Variants in NOXRED1 observed in about 807,000 individuals in gnomAD.
The protein encoded by NOXRED1 is NADP-dependent oxidoreductase domain-containing protein 1.
In NOXRED1, 20 loss-of-function variants were observed where a neutral mutation model predicts 30.4. That is an observed-to-expected ratio of 0.66 (90% CI 0.46 to 0.96). The LOEUF is 0.96. Ranked by LOEUF, NOXRED1 falls within the 40% of genes least tolerant of loss-of-function variation. The probability of loss-of-function intolerance (pLI) is 0.00; values close to 1 mark genes in which losing one functional copy is unlikely to be tolerated. For synonymous variants in NOXRED1, 155 were observed against 168.0 expected (o/e 0.92, Z 0.60); for missense variants, 374 against 428.0 (o/e 0.87, Z 1.11).
rs185098989 is a variant in NOXRED1, at chr14:77,412,846, A to T, written c.349+1088T>A. Among the ~76,000 whole-genome samples, 816 of 152,110 alleles carry T rather than the reference A, an allele frequency of 5.4e-3. 6 individuals are homozygous for T. The highest frequency in any genetic ancestry group is 0.018 in the African/African-American group (767 of 41,478). ...TAAACGATACGAGAATATGCTCATG[A>T]TACATTATGTAAAAAAAAACAGAAT... is the stretch of plus-strand genomic sequence containing the variant. On this transcript the variant is annotated intron_variant, in intron 2 of 5. Transcript: ENST00000380835.
rs894862261 is a variant in NOXRED1, at chr14:77,404,663, A to G, written c.905+1250T>C. Among the ~76,000 whole-genome samples the G allele has an allele frequency of 2.0e-5, 3 of 152,280 alleles. No individual in the cohort carries two copies. In the East Asian group the frequency reaches 5.8e-4, roughly 29 times the overall value. ...AAAAGGGCCTAGGATAGAGCCCTGA[A>G]AACACCCAGATTTAAGGGTGAGGCA... On this transcript the variant is annotated intron_variant, in intron 5 of 5. Transcript: ENST00000380835.
At chr14:77,408,106 G>T (rs958283602) in intron 2 of NOXRED1, among the ~76,000 whole-genome samples, 3 of 152,144 alleles carry the variant, frequency 2.0e-5, no homozygotes, top group Non-Finnish European at 4.4e-5. Context: ...AACCTCAGAT[G>T]ATCCGCCCAT....
At chr14:77,416,706 T>C (rs1389016159) in intron 1 of NOXRED1, among the ~76,000 whole-genome samples, 2 of 152,228 alleles carry the variant, frequency 1.3e-5, no homozygotes, top group African/African-American at 2.4e-5. Flanking sequence ...CCGTTCTCAA[T>C]GAGCTGTTGG....
At chr14:77,413,808 G>A (rs1894728105) in intron 2 of NOXRED1, 126 bp downstream of exon 2, 2 of 570,722 alleles carry the variant, frequency 3.5e-6, no homozygotes, top group African/African-American at 3.8e-5. Context: ...CTTTCTTAGG[G>A]CTAGCAAGCT....
intron 2 of NOXRED1, among the ~76,000 whole-genome samples, chr14:77,408,396 A>G (rs1010250804): frequency 2.6e-5 from 4 of 151,754 alleles, no homozygotes; most frequent in African/African-American, 9.7e-5. Flanking sequence ...AGGTCTCACT[A>G]TGTTGCCTAG....
chr14:77,401,096 C>T (rs1894316031), intron 5 of NOXRED1, among the ~76,000 whole-genome samples: 1 of 152,160 alleles, frequency 6.6e-6, no homozygotes, highest in Non-Finnish European at 1.5e-5. Context: ...TAAATGGGGC[C>T]AGGTGCAGCA....
chr14:77,399,064 C>CA (rs1380639647), intron 5 of NOXRED1, among the ~76,000 whole-genome samples: 1 of 151,724 alleles, frequency 6.6e-6, no homozygotes, highest in African/African-American at 2.4e-5. Flanking sequence ...TACTAAAAGC[C>CA]AAAAAACAAA....
chr14:77,421,309 G>T (rs562752961), intron 1 of NOXRED1, among the ~76,000 whole-genome samples: 2 of 152,260 alleles, frequency 1.3e-5, no homozygotes, highest in East Asian at 1.9e-4. Context: ...AGGCTTTTTG[G>T]ACCATATATT....
At chr14:77,412,729 T>A (rs1053399657) in intron 2 of NOXRED1, among the ~76,000 whole-genome samples, 5 of 152,262 alleles carry the variant, frequency 3.3e-5, no homozygotes, top group Admixed American at 1.3e-4. Context: ...GCCAGGCTGG[T>A]CTCAAACTCC....
At chr14:77,421,317 A>G (rs1894986936) in intron 1 of NOXRED1, among the ~76,000 whole-genome samples, 2 of 152,118 alleles carry the variant, frequency 1.3e-5, no homozygotes, top group Non-Finnish European at 2.9e-5. Flanking sequence ...TGGACCATAT[A>G]TTGTTGTTAA....
At chr14:77,403,417 C>G (rs1894376909) in intron 5 of NOXRED1, among the ~76,000 whole-genome samples, 1 of 152,128 alleles carries the variant, frequency 6.6e-6, no homozygotes, top group African/African-American at 2.4e-5. Context: ...AAACCCCACC[C>G]CTACTCCTTT....
intron 3 of NOXRED1, 29 bp downstream of exon 3, chr14:77,407,436 C>T (rs368021368): frequency 1.3e-6 from 2 of 1,548,016 alleles, no homozygotes; most frequent in Non-Finnish European, 8.9e-7. Flanking sequence ...AGCAGTTGTG[C>T]CAGTTCCATT....
At chr14:77,403,647 G>A (rs1340947633) in intron 5 of NOXRED1, among the ~76,000 whole-genome samples, 2 of 151,918 alleles carry the variant, frequency 1.3e-5, no homozygotes, top group East Asian at 1.9e-4. Flanking sequence ...AGCAGAGTAA[G>A]ACCCTCTATC....
chr14:77,403,735 C>A (rs1894386159), intron 5 of NOXRED1, among the ~76,000 whole-genome samples: 1 of 152,012 alleles, frequency 6.6e-6, no homozygotes, highest in Non-Finnish European at 1.5e-5. Flanking sequence ...TTAAAATAGA[C>A]CTACATCATG....
At position 77,406,824 on chromosome 14, in the gene NOXRED1, A is replaced by T; in HGVS notation, c.582T>A (p.Tyr194Ter). Residue 194 changes from tyrosine to a stop codon, truncating the protein, a stop_gained, in exon 4 of 6, where the codon TAT becomes TAA. Transcript: ENST00000380835. LOFTEE classifies it high-confidence loss of function. ...CCCAGACGCTGACAGAATCTTCATC[A>T]TACTGATACTGAGGCCGCAAGATAT... ...HTNILRPQYQ[Y>*]DEDSVSVWGA... The T allele has an allele frequency of 6.2e-7, 1 of 1,614,106 alleles. No individual in the cohort carries two copies. Among genetic ancestry groups the T allele is most frequent in the Non-Finnish European group, 8.5e-7 (1 of 1,179,956 alleles).
At chr14:77,418,051 CCT>C (rs1349754841) in intron 1 of NOXRED1, among the ~76,000 whole-genome samples, 1 of 152,078 alleles carries the variant, frequency 6.6e-6, no homozygotes, top group African/African-American at 2.4e-5. Flanking sequence ...TTCCCCTACC[CCT>C]GCTTTTTGTT....
chr14:77,420,542 C>A (rs900831977), intron 1 of NOXRED1, among the ~76,000 whole-genome samples: 2 of 151,790 alleles, frequency 1.3e-5, no homozygotes, highest in African/African-American at 4.8e-5. Flanking sequence ...GGCCTGTAAT[C>A]TGTAATCTGT....
At chr14:77,411,739 T>C (rs1594876323) in intron 2 of NOXRED1, among the ~76,000 whole-genome samples, 3 of 152,140 alleles carry the variant, frequency 2.0e-5, no homozygotes, top group Non-Finnish European at 1.5e-5. Flanking sequence ...TTCACAGTTG[T>C]ATACGTGTCA....
At chr14:77,400,574 G>A (rs12890411) in intron 5 of NOXRED1, among the ~76,000 whole-genome samples, 27,694 of 152,100 alleles carry the variant, frequency 0.18, 2,847 homozygotes, top group Middle Eastern at 0.29. Flanking sequence ...CAAGTGGGGC[G>A]GGGGTTTCCA....
Sources: gnomAD v4.1 joint callset for allele counts (sites outside exome capture counted in the v4.1 genomes callset) on GRCh38, gnomAD v4.1.1 for gene constraint, MANE v1.5 for transcripts, NCBI Gene and HGNC (gene_info 2026-07-23, HGNC 2026-07-21) for gene names.